Variants in B4GALNT3 observed in about 807,000 individuals in gnomAD.
The protein encoded by B4GALNT3 is beta-1,4-N-acetylgalactosaminyltransferase 3.
In B4GALNT3, 86 loss-of-function variants were observed where a neutral mutation model predicts 120.2. The ratio of observed to expected loss-of-function variants is 0.72; its 90% CI spans 0.60 to 0.86. The LOEUF is 0.86. Among genes scored for constraint, B4GALNT3 ranks in the 40% least tolerant of loss-of-function variants. The probability of loss-of-function intolerance (pLI) is 0.00; values close to 1 mark genes in which losing one functional copy is unlikely to be tolerated. For synonymous variants in B4GALNT3, 518 were observed against 510.4 expected (o/e 1.01, Z -0.20); for missense variants, 1,167 against 1,298.9 (o/e 0.90, Z 1.56).
chr12:498,020 C>A (rs57120772), intron 1 of B4GALNT3, among the ~76,000 whole-genome samples: 6,193 of 152,114 alleles, frequency 0.041, 418 homozygotes, highest in African/African-American at 0.14. Context: ...CCCCTGATTT[C>A]CCATTCAGTG....
chr12:527,139 G>C (rs1250071082), intron 1 of B4GALNT3, among the ~76,000 whole-genome samples: 1 of 152,068 alleles, frequency 6.6e-6, no homozygotes, highest in Non-Finnish European at 1.5e-5. Flanking sequence ...TGTTGTCCAG[G>C]CTGGTCTCGA....
chr12:478,665 C>G (rs1946207640), intron 1 of B4GALNT3, among the ~76,000 whole-genome samples: 1 of 152,182 alleles, frequency 6.6e-6, no homozygotes, highest in Non-Finnish European at 1.5e-5. Flanking sequence ...GTTTTTCTAT[C>G]TTTTTCTGAT....
At chr12:543,869 C>A (rs1400936442) in intron 3 of B4GALNT3, among the ~76,000 whole-genome samples, 1 of 116,554 alleles carries the variant, frequency 8.6e-6, no homozygotes, top group Non-Finnish European at 1.8e-5. Flanking sequence ...GGAGCTGGGG[C>A]GGGCATGGGG....
intron 1 of B4GALNT3, among the ~76,000 whole-genome samples, chr12:511,072 C>G (rs147760185): frequency 0.029 from 3,218 of 110,708 alleles, 145 homozygotes; most frequent in African/African-American, 0.096. Flanking sequence ...GGGTCTTACT[C>G]TGGTGCCCAG....
intron 1 of B4GALNT3, among the ~76,000 whole-genome samples, chr12:473,471 G>A (rs1946156359): frequency 6.6e-6 from 1 of 152,176 alleles, no homozygotes; most frequent in African/African-American, 2.4e-5. Context: ...TGGCAGTAGG[G>A]TTGATGGAGA....
At chr12:495,281 G>A (rs1351897715) in intron 1 of B4GALNT3, among the ~76,000 whole-genome samples, 1 of 152,188 alleles carries the variant, frequency 6.6e-6, no homozygotes, top group African/African-American at 2.4e-5. Context: ...AAAAGGGTTT[G>A]CTTTAGGGGT....
rs1441017459 is a variant in B4GALNT3 at position 553,587 on chromosome 12, GC to G, written c.1668del (p.Arg557GlyfsTer6). On this transcript the variant is annotated frameshift_variant, in exon 14 of 20. Coordinates refer to ENST00000266383, the MANE Select transcript of B4GALNT3 (RefSeq NM_173593.4). LOFTEE classifies it high-confidence loss of function. ...CCCAGGCCCAGGCCCGCTGGTGACA[GC>G]CCCAGGAAGACTCAGTGGCTGAACC... Reference protein sequence around the residue: ...RGPRPRPAGDSPRKTQWLNQV... With the variant: ...RGPRPRPAGDXPRKTQWLNQV... 2 of 1,613,978 alleles carry G rather than the reference GC, an allele frequency of 1.2e-6. No homozygotes were observed. The highest frequency in any genetic ancestry group is 1.7e-5 in the Admixed American group (1 of 60,034).
Position 479,653 on chromosome 12 carries a change from G to C in B4GALNT3, c.169+19108G>C, listed in dbSNP as rs530920973. Among the ~76,000 whole-genome samples the C allele has an allele frequency of 3.3e-5, 5 of 152,308 alleles. No individual in the cohort carries two copies. In the East Asian group the frequency reaches 9.6e-4, roughly 29 times the overall value. On this transcript the variant is annotated intron_variant, in intron 1 of 19. Coordinates refer to ENST00000266383, the MANE Select transcript of B4GALNT3 (RefSeq NM_173593.4). ...TACCTGGGAAGAAACCAGCACGTTT[G>C]GCCAAGGAACAGGGAGAGTTACTGG...
intron 1 of B4GALNT3, among the ~76,000 whole-genome samples, chr12:478,269 A>G (rs1394568446): frequency 9.4e-6 from 1 of 106,248 alleles, no homozygotes; most frequent in Non-Finnish European, 1.9e-5. Context: ...AAAAAAAAAA[A>G]AAATTAGAGG....
chr12:475,000 A>G (rs1308986761), intron 1 of B4GALNT3, among the ~76,000 whole-genome samples: 1 of 146,432 alleles, frequency 6.8e-6, no homozygotes, highest in Non-Finnish European at 1.5e-5. Flanking sequence ...TGTGGTCCCA[A>G]CTACTCAGGA....
intron 1 of B4GALNT3, among the ~76,000 whole-genome samples, chr12:523,198 C>T (rs183908513): frequency 6.6e-6 from 1 of 152,094 alleles, no homozygotes; most frequent in South Asian, 2.1e-4. Flanking sequence ...TTCACTCAGT[C>T]CCTAGCCCAG....
At chr12:489,054 C>G (rs1225038958) in intron 1 of B4GALNT3, among the ~76,000 whole-genome samples, 1 of 151,392 alleles carries the variant, frequency 6.6e-6, no homozygotes, top group Admixed American at 6.6e-5. Context: ...TTTCAGCAAA[C>G]TAACACAGGA....
chr12:468,413 C>T (rs1013816001), intron 1 of B4GALNT3, among the ~76,000 whole-genome samples: 2 of 152,152 alleles, frequency 1.3e-5, no homozygotes, highest in African/African-American at 4.8e-5. Context: ...TAAATTATTA[C>T]GTCTTTCCAT....
intron 1 of B4GALNT3, among the ~76,000 whole-genome samples, chr12:467,657 A>G (rs774816279): frequency 1.3e-5 from 2 of 152,222 alleles, no homozygotes; most frequent in Non-Finnish European, 2.9e-5. Context: ...CTGCGAAAGC[A>G]CTTTTTTGCC....
intron 1 of B4GALNT3, among the ~76,000 whole-genome samples, chr12:467,854 A>G (rs11063097): frequency 0.035 from 5,307 of 152,280 alleles, 109 homozygotes; most frequent in African/African-American, 0.052. Flanking sequence ...TGGTCTTAGA[A>G]ACAGCTGTGC....
intron 1 of B4GALNT3, among the ~76,000 whole-genome samples, chr12:488,616 G>A (rs1417281953): frequency 6.6e-6 from 1 of 152,056 alleles, no homozygotes; most frequent in East Asian, 1.9e-4. Context: ...GTCCCAGCCT[G>A]GGCAACATAG....
intron 1 of B4GALNT3, among the ~76,000 whole-genome samples, chr12:508,813 G>A (rs1219117262): frequency 6.6e-6 from 1 of 152,184 alleles, no homozygotes; most frequent in Admixed American, 6.5e-5. Context: ...GGGAGAACTA[G>A]ACAACTCTCT....
rs886348833 is a variant in B4GALNT3, at chr12:550,630, G to A, written c.998-292G>A. Among the ~76,000 whole-genome samples, 4 of 152,166 alleles carry A rather than the reference G, an allele frequency of 2.6e-5. No individual in the cohort carries two copies. The highest frequency in any genetic ancestry group is 5.9e-5 in the Non-Finnish European group (4 of 68,032). On this transcript the variant is annotated intron_variant, in intron 10 of 19. Coordinates refer to ENST00000266383, the MANE Select transcript of B4GALNT3 (RefSeq NM_173593.4). This position sits in a 1 kb window ranked among gnomAD's most constrained non-coding sequence, Gnocchi z 4.1. ...ACTGTACGAGGGAGGGGACCTTCTG[G>A]CCTCTTAGAAGTTTCTAGACCTTAT...
intron 1 of B4GALNT3, among the ~76,000 whole-genome samples, chr12:469,802 A>G (rs1269100448): frequency 6.6e-6 from 1 of 152,128 alleles, no homozygotes; most frequent in African/African-American, 2.4e-5. Flanking sequence ...CAGTTATCTC[A>G]TTATTTATTT....
Sources: gnomAD v4.1 joint callset for allele counts (sites outside exome capture counted in the v4.1 genomes callset) on GRCh38, gnomAD v4.1.1 for gene constraint, Gnocchi (gnomAD v3.1) non-coding constraint, MANE v1.5 for transcripts, NCBI Gene and HGNC (gene_info 2026-07-23, HGNC 2026-07-21) for gene names.